Variants in SLTM observed in about 807,000 individuals in gnomAD.
SLTM encodes the protein SAFB-like transcription modulator.
Under a neutral mutation model 134.6 loss-of-function variants are expected in SLTM, and 43 were observed. The ratio of observed to expected loss-of-function variants is 0.32; its 90% CI spans 0.25 to 0.41. SLTM has a LOEUF of 0.41. SLTM is among the 10% of genes least tolerant of loss of function. The probability of loss-of-function intolerance (pLI) is 1.00; values close to 1 mark genes in which losing one functional copy is unlikely to be tolerated. For missense variants in SLTM, 1,055 were observed against 1,288.8 expected, an observed-to-expected ratio of 0.82 and a Z score of 2.78; for synonymous variants, 424 against 432.3, an observed-to-expected ratio of 0.98 and a Z score of 0.24.
chr15:58,930,381 C>G (rs1032444582), intron 2 of SLTM, among the ~76,000 whole-genome samples: 13 of 151,122 alleles, frequency 8.6e-5, no homozygotes, highest in Non-Finnish European at 1.5e-4. Flanking sequence ...CCACCCGCCT[C>G]AGCCTCTCAA....
At chr15:58,916,180 T>TC in intron 3 of SLTM, among the ~76,000 whole-genome samples, 1 of 142,526 alleles carries the variant, frequency 7.0e-6, no homozygotes, top group Admixed American at 7.0e-5. Context: ...CTCTCTCTCT[T>TC]TTTTTTTTTT....
chr15:58,881,431 G>A (rs2033700116), intron 20 of SLTM, among the ~76,000 whole-genome samples: 1 of 151,626 alleles, frequency 6.6e-6, no homozygotes, highest in Admixed American at 6.6e-5. Context: ...GGAGGCCAAG[G>A]AAGGAGAATC....
At chr15:58,916,258 C>CACTGCACTCGGCT (rs1239372342) in intron 3 of SLTM, among the ~76,000 whole-genome samples, 10 of 151,090 alleles carry the variant, frequency 6.6e-5, no homozygotes, top group African/African-American at 2.4e-4. Flanking sequence ...ACTGCACCCT[C>CACTGCACTCGGCT]CACCTCCCGA....
chr15:58,932,542 C>T, intron 1 of SLTM, 99 bp from the exon 2 acceptor site: 1 of 760,664 alleles, frequency 1.3e-6, no homozygotes, highest in Non-Finnish European at 2.2e-6. Flanking sequence ...AGCCTCAAGA[C>T]ATTAGAATTG....
In SLTM at chr15:58,899,947, T is replaced by C; in HGVS notation, c.590-10A>G. The C allele has an allele frequency of 6.3e-7, 1 of 1,589,146 alleles. No individual in the cohort carries two copies. The highest frequency in any genetic ancestry group is 8.6e-7 in the Non-Finnish European group (1 of 1,163,716). On this transcript the variant is annotated splice_polypyrimidine_tract_variant and intron_variant, in intron 6 of 20. Transcript: ENST00000380516. The surrounding 1 kb of genome is among the most constrained non-coding windows in gnomAD (Gnocchi z 5.0). ...CCAGAACCTGCTATATCTAAGAGGA[T>C]TTAACAGGAATAAATATGGCAAAAC... is the stretch of plus-strand genomic sequence containing the variant.
chr15:58,928,415 A>G (rs1372394679), intron 2 of SLTM, among the ~76,000 whole-genome samples: 3 of 152,166 alleles, frequency 2.0e-5, no homozygotes, highest in Non-Finnish European at 4.4e-5. Flanking sequence ...TAACAAAGAG[A>G]GTGTGAAGAC....
intron 9 of SLTM, among the ~76,000 whole-genome samples, chr15:58,896,465 G>A (rs2035086468): frequency 6.6e-6 from 1 of 151,952 alleles, no homozygotes. Flanking sequence ...TAGGCTTGAG[G>A]CATGAGAATC....
intron 3 of SLTM, among the ~76,000 whole-genome samples, chr15:58,916,178 CTTT>C (rs11455727): frequency 4.3e-5 from 6 of 138,664 alleles, no homozygotes; most frequent in South Asian, 2.3e-4. Flanking sequence ...CTCTCTCTCT[CTTT>C]TTTTTTTTTT....
chr15:58,933,334 C>A (rs1022750175), intron 1 of SLTM, 70 bp downstream of exon 1: 3 of 1,471,108 alleles, frequency 2.0e-6, no homozygotes, highest in Non-Finnish European at 2.7e-6. Context: ...GAGGCTGCGG[C>A]GGAAGCGGGG....
At chr15:58,902,602 G>A (rs1846587996) in intron 5 of SLTM, among the ~76,000 whole-genome samples, 2 of 151,416 alleles carry the variant, frequency 1.3e-5, no homozygotes, top group South Asian at 4.2e-4. Flanking sequence ...ATGTTGCCCG[G>A]GCTGGTCTGG....
intron 17 of SLTM, among the ~76,000 whole-genome samples, chr15:58,888,089 G>A (rs184555869): frequency 1.1e-3 from 160 of 152,224 alleles, no homozygotes; most frequent in Non-Finnish European, 1.8e-3. Flanking sequence ...ACGAGGCAGA[G>A]GTACAGTATG....
At position 58,890,355 on chromosome 15, in the gene SLTM, T is replaced by C; in HGVS notation, c.2005A>G (p.Ile669Val). Residue 669 changes from isoleucine to valine, a missense_variant, in exon 15 of 21, where the codon ATT becomes GTT. Physicochemically the swap from Ile to Val is conservative, Grantham distance 29. Around this residue, in one of 3 missense-constraint regions of SLTM, gnomAD observed 776 missense variants for 962.2 expected, o/e 0.81. Transcript: ENST00000380516. ...TCTCTCTCTAGTTTTTGCCTTTCAA[T>C]TTCTAGGCGCTCTCTCTCTCTCTGT... ...RLQRERERLE[I>V]ERQKLERERM... 1.2e-6 allele frequency: 2 copies of C among 1,614,160 alleles called. No individual in the cohort carries two copies. Among genetic ancestry groups the C allele is most frequent in the African/African-American group, 1.3e-5 (1 of 75,060 alleles).
intron 2 of SLTM, among the ~76,000 whole-genome samples, chr15:58,931,589 C>A (rs1410405629): frequency 6.6e-6 from 1 of 152,114 alleles, no homozygotes; most frequent in Admixed American, 6.5e-5. Flanking sequence ...CTGCCACTGT[C>A]CTTATAGGAG....
intron 5 of SLTM, among the ~76,000 whole-genome samples, chr15:58,902,844 C>T (rs1241947149): frequency 1.3e-5 from 2 of 152,028 alleles, no homozygotes; most frequent in Non-Finnish European, 2.9e-5. Flanking sequence ...CTGCCTCAGC[C>T]TCCCAAGGAG....
chr15:58,913,623 C>G lies in SLTM; in HGVS notation c.389G>C (p.Gly130Ala), dbSNP rs149127382. The change falls in exon 4 of 21, where the codon GGT (glycine) becomes GCT (alanine). Residue 130 changes from glycine to alanine, a missense_variant. By Grantham distance (60) the Gly-to-Ala change is moderately conservative. Coordinates refer to ENST00000380516, the MANE Select transcript of SLTM (RefSeq NM_024755.4). Reference sequence around the variant, plus strand: ...ATGCACATTTTCTTCTTCATTTTCACCAAATTCTTCAGAGTCCTTTAGTTC... The same window carrying G: ...ATGCACATTTTCTTCTTCATTTTCAGCAAATTCTTCAGAGTCCTTTAGTTC... Reference protein sequence around the residue: ...NDELKDSEEFGENEEENVHSK... With the variant: ...NDELKDSEEFAENEEENVHSK... 1.9e-6 allele frequency: 3 copies of G among 1,613,600 alleles called. No individual in the cohort carries two copies. Among genetic ancestry groups the G allele is most frequent in the South Asian group, 1.1e-5 (1 of 91,078 alleles).
Position 58,879,773 on chromosome 15 carries a change from G to A in SLTM, c.*226C>T, listed in dbSNP as rs2033548319. On this transcript the variant is annotated 3_prime_UTR_variant, in exon 21 of 21. Transcript: ENST00000380516. Reference sequence around the variant, plus strand: ...AATTCCATCTTTTCAAATGTGCCTCGGTGCTGCAAGAAAAAAAGTTGAATG... The same window carrying A: ...AATTCCATCTTTTCAAATGTGCCTCAGTGCTGCAAGAAAAAAAGTTGAATG... 2.3e-6 allele frequency: 1 copy of A among 434,622 alleles called. No individual in the cohort carries two copies. Among genetic ancestry groups the A allele is most frequent in the African/African-American group, 2.0e-5 (1 of 49,444 alleles). 26.9% of individuals were successfully genotyped at this position (434,622 alleles called of 1,614,324 possible).
chr15:58,882,361 T>G (rs1190895045), intron 20 of SLTM, among the ~76,000 whole-genome samples: 1 of 151,962 alleles, frequency 6.6e-6, no homozygotes, highest in African/African-American at 2.4e-5. Context: ...GACTGTGACC[T>G]TGAATTCATG....
intron 18 of SLTM, 44 bp from the exon 19 acceptor site, chr15:58,887,163 C>A: frequency 6.2e-7 from 1 of 1,612,542 alleles, no homozygotes; most frequent in South Asian, 1.1e-5. Flanking sequence ...AAACTGTAAT[C>A]TTAACTTTTT....
chr15:58,909,668 A>G (rs183079772), intron 5 of SLTM, among the ~76,000 whole-genome samples: 1 of 152,388 alleles, frequency 6.6e-6, no homozygotes, highest in Admixed American at 6.5e-5. Flanking sequence ...TACTACACCT[A>G]TGAGGTGGCT....
Sources: gnomAD v4.1 joint callset for allele counts (sites outside exome capture counted in the v4.1 genomes callset) on GRCh38, gnomAD v4.1.1 for gene constraint, gnomAD v4.1.1 regional missense constraint, Gnocchi (gnomAD v3.1) non-coding constraint, MANE v1.5 for transcripts, NCBI Gene and HGNC (gene_info 2026-07-23, HGNC 2026-07-21) for gene names.